Variants in ADGRV1 observed in about 807,000 individuals in gnomAD.
ADGRV1 encodes adhesion G protein-coupled receptor V1.
In ADGRV1, 359 loss-of-function variants were observed where a neutral mutation model predicts 596.2. That is an observed-to-expected ratio of 0.60 (90% CI 0.55 to 0.66). ADGRV1 has a LOEUF of 0.66. Among genes scored for constraint, ADGRV1 ranks in the 30% least tolerant of loss-of-function variants. The pLI is 0.00. For synonymous variants in ADGRV1, 2,681 were observed against 2,679.2 expected (o/e 1.00, Z -0.02); for missense variants, 7,274 against 7,575.6 (o/e 0.96, Z 1.48).
At chr5:90,813,605 C>G (rs984854161) in intron 74 of ADGRV1, among the ~76,000 whole-genome samples, 1 of 152,194 alleles carries the variant, frequency 6.6e-6, no homozygotes, top group South Asian at 2.1e-4. Flanking sequence ...ACACCTGTTG[C>G]AAATGACCGA....
chr5:90,563,471 A>C (rs1029699811), intron 1 of ADGRV1, among the ~76,000 whole-genome samples: 1 of 152,252 alleles, frequency 6.6e-6, no homozygotes, highest in African/African-American at 2.4e-5. Flanking sequence ...CAAGCAAATA[A>C]GGGGATGACT....
At chr5:90,771,536 TAGC>T (rs1322854968) in intron 59 of ADGRV1, among the ~76,000 whole-genome samples, 2 of 152,184 alleles carry the variant, frequency 1.3e-5, no homozygotes, top group African/African-American at 2.4e-5. Flanking sequence ...TTTAATGAAA[TAGC>T]AGGTTGCTAC....
intron 83 of ADGRV1, among the ~76,000 whole-genome samples, chr5:90,864,729 A>C (rs887378464): frequency 2.6e-5 from 4 of 152,192 alleles, no homozygotes; most frequent in African/African-American, 9.7e-5. Flanking sequence ...GAAATTATAG[A>C]TCCAGGCAGA....
chr5:91,035,861 T>TATTATATATATATATA lies in ADGRV1; in HGVS notation c.18153-36586_18153-36585insATTATATATATATATA. ...ATGAGTGTGTATATATATATATATA[T>TATTATATATATATATA]TATATATATATATATATATATCTTA... On this transcript the variant is annotated intron_variant, in intron 85 of 89. Coordinates refer to ENST00000405460, the MANE Select transcript of ADGRV1 (RefSeq NM_032119.4). Among the ~76,000 whole-genome samples, 142 of 96,382 alleles carry TATTATATATATATATA rather than the reference T, an allele frequency of 1.5e-3. 3 individuals carry two copies. The highest frequency in any genetic ancestry group is 5.2e-3 in the African/African-American group (136 of 26,348). 63.2% of individuals were successfully genotyped at this position (96,382 alleles called of 152,430 possible). A position where few individuals can be genotyped will look rare whatever the true frequency, so the allele number is the denominator to read the frequency against.
chr5:90,787,488 A>G lies in ADGRV1; in HGVS notation c.13654-583A>G, dbSNP rs565820320. Among the ~76,000 whole-genome samples, 31 of 151,948 alleles carry G rather than the reference A, an allele frequency of 2.0e-4. 1 individual carries two copies. The highest frequency in any genetic ancestry group is 7.0e-4 in the African/African-American group (29 of 41,490). Reference sequence around the variant, plus strand: ...ATATTTCTCTAATACGTATTTTAATATAGATTTTTATATGTTTTTATCCTA... The same window carrying G: ...ATATTTCTCTAATACGTATTTTAATGTAGATTTTTATATGTTTTTATCCTA... On this transcript the variant is annotated intron_variant, in intron 67 of 89. Transcript: ENST00000405460.
At position 90,708,864 on chromosome 5, in the gene ADGRV1, G is replaced by A. The variant is rs547397177; in HGVS notation, c.8779G>A (p.Val2927Ile). The A allele has an allele frequency of 6.4e-5, 104 of 1,612,512 alleles. No homozygotes were observed. The highest frequency in any genetic ancestry group is 1.2e-4 in the Admixed American group (7 of 59,950). ...EEYFLVNLTY[V>I]GLTMAASTSF... Reference sequence around the variant, plus strand: ...ATATTTCCTGGTGAATTTAACTTACGTTGGACTTACCATGGCTGCTTCAAC... The same window carrying A: ...ATATTTCCTGGTGAATTTAACTTACATTGGACTTACCATGGCTGCTTCAAC... The change falls in exon 39 of 90, where the codon GTT becomes ATT. Residue 2927 changes from valine (V) to isoleucine (I), a missense_variant. Physicochemically the swap from Val to Ile is conservative, Grantham distance 29. Coordinates refer to ENST00000405460, the MANE Select transcript of ADGRV1 (RefSeq NM_032119.4).
intron 87 of ADGRV1, 30 bp downstream of exon 87, chr5:91,102,370 A>G: frequency 6.4e-7 from 1 of 1,550,738 alleles, no homozygotes; most frequent in South Asian, 1.2e-5. Flanking sequence ...TAGTGACAAC[A>G]TACATTTATC....
chr5:90,643,221 T>C (rs1166880975), intron 13 of ADGRV1, among the ~76,000 whole-genome samples, 180 bp downstream of exon 13: 1 of 152,170 alleles, frequency 6.6e-6, no homozygotes. Context: ...GACTCATTCA[T>C]ATTAGAATGG....
chr5:90,759,375 C>A, intron 57 of ADGRV1, 34 bp from the exon 58 acceptor site: 1 of 1,382,336 alleles, frequency 7.2e-7, no homozygotes, highest in Non-Finnish European at 1.0e-6. Flanking sequence ...TCTTTTCCTC[C>A]CTCTCTTTCT....
rs375860783 is a variant in ADGRV1 at position 90,810,757 on chromosome 5, C to T, written c.15497C>T (p.Thr5166Met). ...ESTTYLSTSK[T>M]TTILQPTNVV... ...ACCACATACCTCAGCACAAGCAAGACGACTACCATTCTGCAGCCAACCAAC... is the reference window on the plus strand; with the variant it reads ...ACCACATACCTCAGCACAAGCAAGATGACTACCATTCTGCAGCCAACCAAC... The change falls in exon 74 of 90, where the codon ACG becomes ATG. Residue 5166 changes from threonine (T) to methionine (M), a missense_variant. Physicochemically the swap from Thr to Met is moderately conservative, Grantham distance 81. Around this residue, in one of 5 missense-constraint regions of ADGRV1, gnomAD observed 1,874 missense variants for 1,970.2 expected, o/e 0.95. Transcript: ENST00000405460. 99 of 1,613,806 alleles carry T rather than the reference C, an allele frequency of 6.1e-5. No individual in the cohort carries two copies. The highest frequency in any genetic ancestry group is 6.7e-5 in the African/African-American group (5 of 74,892).
In ADGRV1 at chr5:90,778,952, T is replaced by C; in HGVS notation, c.12937T>C (p.Leu4313=). ...KTMSGTAEAG[L]DFVPAAGELL... is the part of the protein sequence containing the mutation. The stretch of plus-strand genomic sequence containing the variant: ...GATGAGCGGGACAGCGGAAGCAGGC[T>C]TGGATTTTGTTCCTGCAGCAGGGGA... The change falls in exon 64 of 90, where the codon TTG becomes CTG. Residue 4313 remains leucine, a synonymous_variant. Coordinates refer to ENST00000405460, the MANE Select transcript of ADGRV1 (RefSeq NM_032119.4). 3 of 1,613,556 alleles carry C rather than the reference T, an allele frequency of 1.9e-6. No individual in the cohort carries two copies. Among genetic ancestry groups the C allele is most frequent in the Non-Finnish European group, 2.5e-6 (3 of 1,179,570 alleles).
At chr5:90,939,199 T>A (rs1775965411) in intron 83 of ADGRV1, among the ~76,000 whole-genome samples, 1 of 152,150 alleles carries the variant, frequency 6.6e-6, no homozygotes, top group Non-Finnish European at 1.5e-5. Flanking sequence ...AAAGTTACAT[T>A]TTAAAACATA....
rs1053060235 is a variant in ADGRV1 at position 91,164,106 on chromosome 5, G to A, written c.*206G>A. 1.5e-6 allele frequency: 1 copy of A among 661,070 alleles called. No homozygotes were observed. The highest frequency in any genetic ancestry group is 2.1e-5 in the Admixed American group (1 of 48,636). 41.0% of individuals were successfully genotyped at this position (661,070 alleles called of 1,614,324 possible). A position where few individuals can be genotyped will look rare whatever the true frequency, so the allele number is the denominator to read the frequency against. On this transcript the variant is annotated 3_prime_UTR_variant, in exon 90 of 90. Coordinates refer to ENST00000405460, the MANE Select transcript of ADGRV1 (RefSeq NM_032119.4). ...GCTATAAGAAAGGTGGAGTCAGTTT[G>A]TATCAGTTAATAGGATGTTCATATT...
intron 2 of ADGRV1, chr5:90,617,585 G>A (rs1434379317): frequency 1.0e-5 from 4 of 401,876 alleles, no homozygotes; most frequent in Admixed American, 3.9e-5. Context: ...TGGGATTACA[G>A]TAGTGAGCCA....
intron 85 of ADGRV1, among the ~76,000 whole-genome samples, chr5:91,056,147 G>T (rs989345344): frequency 2.0e-5 from 3 of 152,196 alleles, no homozygotes; most frequent in African/African-American, 7.2e-5. Flanking sequence ...GTTGTGCGAC[G>T]TGTGGTTGGG....
intron 85 of ADGRV1, among the ~76,000 whole-genome samples, chr5:91,019,494 A>G (rs1783449744): frequency 1.3e-5 from 2 of 152,026 alleles, no homozygotes; most frequent in South Asian, 4.1e-4. Context: ...TGAGACCAAC[A>G]TTAAGACAGC....
chr5:91,040,236 G>A (rs1258857126), intron 85 of ADGRV1, among the ~76,000 whole-genome samples: 1 of 152,048 alleles, frequency 6.6e-6, no homozygotes, highest in African/African-American at 2.4e-5. Flanking sequence ...GCAGGTGCAC[G>A]AAATATTTAT....
chr5:90,670,090 A>G (rs1048337327), intron 21 of ADGRV1, among the ~76,000 whole-genome samples: 1 of 152,170 alleles, frequency 6.6e-6, no homozygotes, highest in Non-Finnish European at 1.5e-5. Flanking sequence ...TCTTTTCTCT[A>G]AAATTCCAGA....
At chr5:90,845,266 T>C (rs1765768774) in intron 78 of ADGRV1, among the ~76,000 whole-genome samples, 1 of 152,240 alleles carries the variant, frequency 6.6e-6, no homozygotes, top group African/African-American at 2.4e-5. Context: ...TTTCCCTAAC[T>C]GGAAACAAAG....
Sources: gnomAD v4.1 joint callset for allele counts (sites outside exome capture counted in the v4.1 genomes callset) on GRCh38, gnomAD v4.1.1 for gene constraint, gnomAD v4.1.1 regional missense constraint, MANE v1.5 for transcripts, NCBI Gene and HGNC (gene_info 2026-07-23, HGNC 2026-07-21) for gene names.